Variants in PSD3 observed in about 807,000 individuals in gnomAD.
The protein encoded by PSD3 is pleckstrin and Sec7 domain containing 3.
A neutral mutation model predicts 105.5 loss-of-function variants in PSD3; 49 were observed. The ratio of observed to expected loss-of-function variants is 0.46; its 90% confidence interval spans 0.37 to 0.59. PSD3 has a LOEUF of 0.59. PSD3 is among the 20% of genes least tolerant of loss of function. PSD3 has a pLI of 0.00. For synonymous variants in PSD3, 557 were observed against 457.8 expected (o/e 1.22, Z -2.77); for missense variants, 1,561 against 1,263.8 (o/e 1.24, Z -3.57).
intron 9 of PSD3, chr8:18,733,999 C>CTTTTAAA (rs1803965971): frequency 6.6e-6 from 1 of 152,126 alleles, no homozygotes; most frequent in African/African-American, 2.4e-5. Flanking sequence ...ATACAGACCC[C>CTTTTAAA]TAGGCAAAGG....
chr8:18,748,501 A>G (rs1805205641), intron 9 of PSD3, among the ~76,000 whole-genome samples: 1 of 151,894 alleles, frequency 6.6e-6, no homozygotes, highest in Non-Finnish European at 1.5e-5. Context: ...TCTACTAAAA[A>G]TACAAAAAAT....
chr8:18,617,191 G>A (rs1309628386), intron 11 of PSD3, among the ~76,000 whole-genome samples: 2 of 152,062 alleles, frequency 1.3e-5, no homozygotes, highest in Non-Finnish European at 2.9e-5. Context: ...ATTTTACTAT[G>A]TACACACATG....
At chr8:18,978,247 A>T (rs1825055862) in intron 1 of PSD3, among the ~76,000 whole-genome samples, 1 of 152,264 alleles carries the variant, frequency 6.6e-6, no homozygotes, top group Admixed American at 6.5e-5. Flanking sequence ...GCTGGGTTTC[A>T]ACACTTTTTT....
chr8:19,018,723 T>A (rs1448039662), intron 1 of PSD3, among the ~76,000 whole-genome samples: 1 of 152,208 alleles, frequency 6.6e-6, no homozygotes, highest in Admixed American at 6.5e-5. Flanking sequence ...GAGAAAATAC[T>A]TTTTCTTGAA....
chr8:18,821,694 C>A (rs1812723972), intron 4 of PSD3, among the ~76,000 whole-genome samples: 1 of 130,744 alleles, frequency 7.6e-6, no homozygotes, highest in Admixed American at 8.5e-5. Flanking sequence ...AACACACACA[C>A]ACACACACAC....
chr8:18,597,207 T>C lies in PSD3; in HGVS notation c.2481+3157A>G, dbSNP rs939874327. ...GTGCTGGGAAAACTGGCTAGCCATA[T>C]GTAGAAAGCTGAAACTGGATCCCTT... On this transcript the variant is annotated intron_variant, in intron 12 of 15. Coordinates refer to ENST00000327040, the MANE Select transcript of PSD3 (RefSeq NM_015310.4). Among the ~76,000 whole-genome samples, 39 of 9,192 alleles carry C rather than the reference T, an allele frequency of 4.2e-3. 15 individuals are homozygous for C. The highest frequency in any genetic ancestry group is 7.3e-3 in the African/African-American group (38 of 5,216). The allele number at this position is 9,192 out of a possible 152,430, so 6.0% of individuals were successfully genotyped here.
chr8:18,864,915 A>T (rs1303979857), intron 4 of PSD3: 1 of 151,982 alleles, frequency 6.6e-6, no homozygotes, highest in Non-Finnish European at 1.5e-5. Flanking sequence ...AAACGTGTGT[A>T]TTATTGACCT....
chr8:18,958,929 T>TTTTC (rs1563463249), intron 1 of PSD3, among the ~76,000 whole-genome samples: 7 of 150,186 alleles, frequency 4.7e-5, no homozygotes, highest in Non-Finnish European at 7.4e-5. Flanking sequence ...GTTTTTTTTT[T>TTTTC]TTTTCTTTTG....
At chr8:18,614,958 G>A (rs1362875198) in intron 11 of PSD3, among the ~76,000 whole-genome samples, 2 of 152,108 alleles carry the variant, frequency 1.3e-5, no homozygotes, top group East Asian at 3.9e-4. Context: ...AAGTATATCT[G>A]ACTGAAGGAA....
At chr8:18,855,617 G>T (rs1418695978) in intron 4 of PSD3, among the ~76,000 whole-genome samples, 1 of 152,196 alleles carries the variant, frequency 6.6e-6, no homozygotes, top group Non-Finnish European at 1.5e-5. Context: ...AAGGCAACCT[G>T]CATGTATGAA....
Position 18,804,588 on chromosome 8 carries a change from T to C in PSD3, c.1844A>G (p.Lys615Arg). ...KHLGKNNEFS[K>R]LVAEEYLKFF... is the part of the protein sequence containing the mutation. The stretch of plus-strand genomic sequence containing the variant: ...CTTCAGATATTCTTCTGCAACTAGT[T>C]TGCTAAATTCGTTGCTATAAGAAAA... The change falls in exon 6 of 16, where the codon AAA becomes AGA. Residue 615 changes from lysine (K) to arginine (R), a missense_variant. Coordinates refer to ENST00000327040, the MANE Select transcript of PSD3 (RefSeq NM_015310.4). 6.2e-7 allele frequency: 1 copy of C among 1,613,504 alleles called. No individual in the cohort carries two copies. The highest frequency in any genetic ancestry group is 8.5e-7 in the Non-Finnish European group (1 of 1,179,464).
intron 11 of PSD3, among the ~76,000 whole-genome samples, chr8:18,630,083 C>A (rs1036279043): frequency 6.6e-6 from 1 of 151,744 alleles, no homozygotes; most frequent in African/African-American, 2.4e-5. Context: ...GAGATGGGCA[C>A]GTCTTAACCC....
intron 10 of PSD3, among the ~76,000 whole-genome samples, chr8:18,653,923 A>G (rs1050153414): frequency 2.6e-5 from 4 of 152,190 alleles, no homozygotes; most frequent in Admixed American, 6.5e-5. Context: ...CATATTCTGC[A>G]TATGTCAGGA....
chr8:18,540,468 G>GAT (rs1800094460), intron 15 of PSD3, among the ~76,000 whole-genome samples: 1 of 152,144 alleles, frequency 6.6e-6, no homozygotes, highest in Non-Finnish European at 1.5e-5. Flanking sequence ...AAAGCTTAGG[G>GAT]ATAATTCTTA....
In PSD3 at chr8:18,604,500, G is replaced by T. The variant is rs558812690; in HGVS notation, c.2411-4066C>A. On this transcript the variant is annotated intron_variant, in intron 11 of 15. Transcript: ENST00000327040. ...GGAAGTTAAATTTAAAAGAGAAGCC[G>T]AGCATAAATGTTTGAAAAATTTGCA... Among the ~76,000 whole-genome samples, 4 of 151,206 alleles carry T rather than the reference G, an allele frequency of 2.6e-5. No individual in the cohort carries two copies. The East Asian group carries it at 7.8e-4, about 29-fold the overall frequency.
chr8:18,992,746 T>G (rs561768719), intron 1 of PSD3, among the ~76,000 whole-genome samples: 1 of 152,304 alleles, frequency 6.6e-6, no homozygotes, highest in South Asian at 2.1e-4. Flanking sequence ...AACCATAATT[T>G]TTTTTAAGTA....
At chr8:18,775,226 T>A (rs7845297) in intron 8 of PSD3, among the ~76,000 whole-genome samples, 2 of 152,028 alleles carry the variant, frequency 1.3e-5, no homozygotes, top group African/African-American at 4.8e-5. Context: ...ATTCCACTTA[T>A]ATTTATGTAC....
At chr8:18,803,260 C>A in intron 6 of PSD3, 1 of 112,530 alleles carries the variant, frequency 8.9e-6, no homozygotes, top group Non-Finnish European at 1.6e-5. Context: ...GCACTCCAGC[C>A]TGGGTGACAG....
intron 9 of PSD3, among the ~76,000 whole-genome samples, chr8:18,723,507 T>C (rs766005383): frequency 2.6e-5 from 4 of 152,278 alleles, no homozygotes; most frequent in Non-Finnish European, 5.9e-5. Context: ...ATCAATTAAA[T>C]GCTTAGCACA....
Sources: gnomAD v4.1 joint callset for allele counts (sites outside exome capture counted in the v4.1 genomes callset) on GRCh38, gnomAD v4.1.1 for gene constraint, MANE v1.5 for transcripts, NCBI Gene and HGNC (gene_info 2026-07-23, HGNC 2026-07-21) for gene names.